Variants in SPTBN4 observed in about 807,000 individuals in gnomAD.
SPTBN4 encodes the protein spectrin beta chain, non-erythrocytic 4.
Under a neutral mutation model 277.8 loss-of-function variants are expected in SPTBN4, and 96 were observed. That is an observed-to-expected ratio of 0.35 (90% confidence interval 0.29 to 0.41). The LOEUF (loss-of-function observed/expected upper bound fraction) is 0.41. SPTBN4 is among the 10% of genes least tolerant of loss of function. The pLI is 1.00. For synonymous variants in SPTBN4, 1,481 were observed against 1,580.3 expected (o/e 0.94, Z 1.49); for missense variants, 3,006 against 3,595.7 (o/e 0.84, Z 4.19).
chr19:40,512,768 C>T lies in SPTBN4; in HGVS notation c.1979C>T (p.Ala660Val). ...LQELEEAESW[A>V]RDKERLLEAA... is the part of the protein sequence containing the mutation. The stretch of plus-strand genomic sequence containing the variant: ...GAGCTGGAGGAGGCCGAGAGCTGGG[C>T]GCGCGACAAGGAGCGTCTCCTGGAG... The change falls in exon 14 of 36, where the codon GCG becomes GTG. Residue 660 changes from alanine (A) to valine (V), a missense_variant. Physicochemically the swap from Ala to Val is moderately conservative, Grantham distance 64. Coordinates refer to ENST00000598249, the MANE Select transcript of SPTBN4 (RefSeq NM_020971.3). The T allele has an allele frequency of 1.3e-6, 2 of 1,507,128 alleles. No individual in the cohort carries two copies. The highest frequency in any genetic ancestry group is 2.7e-5 in the East Asian group (1 of 37,146). 93.4% of individuals were successfully genotyped at this position (1,507,128 alleles called of 1,614,324 possible).
Position 40,470,673 on chromosome 19 carries a change from C to T in SPTBN4, c.-15-1934C>T, listed in dbSNP as rs145888089. Among the ~76,000 whole-genome samples, 1,267 of 151,814 alleles carry T rather than the reference C, an allele frequency of 8.3e-3. 11 individuals carry two copies. Among genetic ancestry groups the T allele is most frequent in the Admixed American group, 0.013 (193 of 15,148 alleles). On this transcript the variant is annotated intron_variant, in intron 1 of 35. Coordinates refer to ENST00000598249, the MANE Select transcript of SPTBN4 (RefSeq NM_020971.3). ...CTTGAGAATGAGTCTTACTCTGTCG[C>T]CCAGGATAGAGTGCAGTGGCACAAT...
At chr19:40,492,888 A>G in intron 4 of SPTBN4, 75 bp from the exon 5 acceptor site, 1 of 1,290,884 alleles carries the variant, frequency 7.7e-7, no homozygotes. Context: ...CTTCTCTGGT[A>G]GCAGATGGTG....
chr19:40,530,585 C>G (rs1434069511), intron 18 of SPTBN4: 2 of 980,746 alleles, frequency 2.0e-6, no homozygotes, highest in African/African-American at 3.5e-5. Flanking sequence ...GCCACTGCCG[C>G]TTCAGGTCTC....
At chr19:40,469,145 C>T (rs1190162010) in intron 1 of SPTBN4, among the ~76,000 whole-genome samples, 3 of 152,028 alleles carry the variant, frequency 2.0e-5, no homozygotes, top group Admixed American at 2.0e-4. Context: ...GGACAATTTC[C>T]ACTCTACTCA....
At position 40,556,093 on chromosome 19, in the gene SPTBN4, C is replaced by T; in HGVS notation, c.5094C>T (p.Ile1698=). ...CCATGTCCCCCTTCAGCGAGCAGAT[C>T]AGCCGGCGGCAGTCTCAGGTGGACC... is the stretch of plus-strand genomic sequence containing the variant. ...LEMGHPDSEQ[I]SRRQSQVDRL... is the part of the protein sequence containing the mutation. Residue 1698 remains isoleucine, a synonymous_variant, in exon 25 of 36, where the codon ATC becomes ATT. Transcript: ENST00000598249. The T allele has an allele frequency of 6.2e-7, 1 of 1,610,866 alleles. No individual in the cohort carries two copies. The highest frequency in any genetic ancestry group is 8.5e-7 in the Non-Finnish European group (1 of 1,179,230).
chr19:40,499,651 C>G (rs2080241919), intron 7 of SPTBN4, among the ~76,000 whole-genome samples: 1 of 151,882 alleles, frequency 6.6e-6, no homozygotes, highest in Non-Finnish European at 1.5e-5. Flanking sequence ...CCCACCTTGG[C>G]CTCCCAGAGT....
chr19:40,574,134 CAAAA>C (rs1243299288), intron 35 of SPTBN4, among the ~76,000 whole-genome samples: 5 of 151,756 alleles, frequency 3.3e-5, no homozygotes, highest in Admixed American at 1.3e-4. Context: ...CAAAACAAAA[CAAAA>C]CAAAACAAAA....
In SPTBN4 at chr19:40,568,242, A is replaced by G. The variant is rs778946144; in HGVS notation, c.6916A>G (p.Ser2306Gly). 6.9e-6 allele frequency: 11 copies of G among 1,601,372 alleles called. No homozygotes were observed. The South Asian group carries it at 7.8e-5, about 11-fold the overall frequency. ...GCGGCGCTTGGAGCGGCAGGAGTCC[A>G]GCGAACAGGAGATGCCCATCAGAGG... is the stretch of plus-strand genomic sequence containing the variant. ...RERRLERQES[S>G]EQEMPIRGDL... The change falls in exon 31 of 36, where the codon AGC becomes GGC. Residue 2306 changes from serine (S) to glycine (G), a missense_variant. Physicochemically the swap from Ser to Gly is moderately conservative, Grantham distance 56. Transcript: ENST00000598249.
At chr19:40,544,651 G>T (rs2080840047) in intron 20 of SPTBN4, among the ~76,000 whole-genome samples, 1 of 151,620 alleles carries the variant, frequency 6.6e-6, no homozygotes, top group Admixed American at 6.6e-5. Flanking sequence ...GTTTCACCAT[G>T]TTGGCCAGGC....
At chr19:40,489,417 G>A (rs2080111484) in intron 3 of SPTBN4, among the ~76,000 whole-genome samples, 1 of 151,662 alleles carries the variant, frequency 6.6e-6, no homozygotes, top group East Asian at 2.0e-4. Flanking sequence ...ACGAAGTCTC[G>A]CTCCCTCACC....
In SPTBN4 at chr19:40,554,476, C is replaced by T; in HGVS notation, c.4954-40C>T. 1.3e-6 allele frequency: 2 copies of T among 1,484,972 alleles called. No homozygotes were observed. Among genetic ancestry groups the T allele is most frequent in the Admixed American group, 2.4e-5 (1 of 41,834 alleles). The allele number at this position is 1,484,972 out of a possible 1,614,324, so 92.0% of individuals were successfully genotyped here. ...GGCCTGGGGGCGCTGGAGCCGGGGG[C>T]CGCCGCTGCCGCCTCATCGTGGGCG... On this transcript the variant is annotated intron_variant, in intron 23 of 35. Coordinates refer to ENST00000598249, the MANE Select transcript of SPTBN4 (RefSeq NM_020971.3). This position sits in a 1 kb window ranked among gnomAD's most constrained non-coding sequence, Gnocchi z 5.7.
At position 40,560,690 on chromosome 19, in the gene SPTBN4, G is replaced by T; in HGVS notation, c.5915+287G>T. ...CACAGCATGAAACAGGCTAAAGACA[G>T]GATGGGCAAGGGAGGTGTGGGACTG... On this transcript the variant is annotated intron_variant, in intron 27 of 35. Coordinates refer to ENST00000598249, the MANE Select transcript of SPTBN4 (RefSeq NM_020971.3). The surrounding 1 kb of genome is among the most constrained non-coding windows in gnomAD (Gnocchi z 5.2). The T allele has an allele frequency of 2.8e-6, 4 of 1,417,022 alleles. No individual in the cohort carries two copies. The highest frequency in any genetic ancestry group is 3.7e-6 in the Non-Finnish European group (4 of 1,088,884). The allele number at this position is 1,417,022 out of a possible 1,614,324, so 87.8% of individuals were successfully genotyped here. A position where few individuals can be genotyped will look rare whatever the true frequency, so the allele number is the denominator to read the frequency against.
chr19:40,509,053 G>GT (rs905126851), intron 13 of SPTBN4, among the ~76,000 whole-genome samples: 32 of 138,744 alleles, frequency 2.3e-4, no homozygotes, highest in Admixed American at 1.0e-3. Context: ...CGTTCTGTGA[G>GT]TTTTTTTTAT....
intron 35 of SPTBN4, among the ~76,000 whole-genome samples, chr19:40,575,133 C>G (rs897499626): frequency 3.3e-5 from 5 of 151,862 alleles, no homozygotes; most frequent in Non-Finnish European, 5.9e-5. Context: ...TATCAGTGCT[C>G]TAGTAGTGCC....
chr19:40,526,843 C>T (rs1599766651), intron 17 of SPTBN4, among the ~76,000 whole-genome samples: 1 of 152,162 alleles, frequency 6.6e-6, no homozygotes, highest in South Asian at 2.1e-4. Flanking sequence ...CTACTTTGGC[C>T]TCCCCAAAGT....
intron 20 of SPTBN4, among the ~76,000 whole-genome samples, chr19:40,538,015 C>T (rs2080757547): frequency 6.6e-6 from 1 of 152,128 alleles, no homozygotes; most frequent in African/African-American, 2.4e-5. Flanking sequence ...TCCTCCCTAG[C>T]CAGAGAAGGT....
chr19:40,548,840 A>T (rs1053899101), intron 20 of SPTBN4, among the ~76,000 whole-genome samples: 7 of 152,160 alleles, frequency 4.6e-5, no homozygotes, highest in Non-Finnish European at 1.0e-4. Flanking sequence ...TAAAACAGGG[A>T]GACTACCAAT....
At chr19:40,532,588 G>A (rs1421459632) in intron 18 of SPTBN4, 37 bp from the exon 19 acceptor site, 2 of 1,586,780 alleles carry the variant, frequency 1.3e-6, no homozygotes, top group Non-Finnish European at 1.7e-6. Context: ...GGCAGGTTGA[G>A]GGGACCAGCT....
At chr19:40,495,469 C>T (rs2080185851) in intron 6 of SPTBN4, among the ~76,000 whole-genome samples, 2 of 152,030 alleles carry the variant, frequency 1.3e-5, no homozygotes, top group South Asian at 4.2e-4. Flanking sequence ...ATGGCAAAAC[C>T]CCATCTCTAC....
Sources: gnomAD v4.1 joint callset for allele counts (sites outside exome capture counted in the v4.1 genomes callset) on GRCh38, gnomAD v4.1.1 for gene constraint, Gnocchi (gnomAD v3.1) non-coding constraint, MANE v1.5 for transcripts, NCBI Gene and HGNC (gene_info 2026-07-23, HGNC 2026-07-21) for gene names.